TRPM3: variants seen among roughly 807,000 people sequenced by gnomAD.
TRPM3 encodes long transient receptor potential channel 3.
Under a neutral mutation model 181.2 loss-of-function variants are expected in TRPM3, and 77 were observed. The ratio of observed to expected loss-of-function variants is 0.42; its 90% CI spans 0.35 to 0.51. The LOEUF is 0.51. Ranked by LOEUF, TRPM3 falls within the 20% of genes least tolerant of loss-of-function variation. The probability of loss-of-function intolerance (pLI) is 0.01; values close to 1 mark genes in which losing one functional copy is unlikely to be tolerated. For missense variants in TRPM3, 1,759 were observed against 2,196.7 expected, an observed-to-expected ratio of 0.80 and a Z score of 3.98; for synonymous variants, 745 against 796.4, an observed-to-expected ratio of 0.94 and a Z score of 1.09.
At chr9:71,075,613 A>T (rs2063349943) in intron 1 of TRPM3, among the ~76,000 whole-genome samples, 1 of 152,240 alleles carries the variant, frequency 6.6e-6, no homozygotes, top group Admixed American at 6.5e-5. Context: ...GCACATCATA[A>T]GTCAAGCTTT....
intron 1 of TRPM3, among the ~76,000 whole-genome samples, chr9:71,328,225 CT>C (rs1443215057): frequency 3.3e-5 from 5 of 152,076 alleles, no homozygotes; most frequent in African/African-American, 1.2e-4. Flanking sequence ...AGTGCAGTGG[CT>C]GATCTCAGCT....
At chr9:70,810,596 G>T (rs1564401350) in intron 6 of TRPM3, among the ~76,000 whole-genome samples, 1 of 151,950 alleles carries the variant, frequency 6.6e-6, no homozygotes, top group Non-Finnish European at 1.5e-5. Context: ...CCTATATTTG[G>T]CACAGAGTTG....
chr9:71,442,509 T>G (rs2094148791), intron 1 of TRPM3, among the ~76,000 whole-genome samples: 1 of 152,124 alleles, frequency 6.6e-6, no homozygotes, highest in Admixed American at 6.5e-5. Flanking sequence ...ATAAATCCAT[T>G]TATTACCACT....
At chr9:71,427,933 TATAAA>T (rs1482121869) in intron 1 of TRPM3, among the ~76,000 whole-genome samples, 1 of 152,068 alleles carries the variant, frequency 6.6e-6, no homozygotes, top group Non-Finnish European at 1.5e-5. Flanking sequence ...AAAAATAAAA[TATAAA>T]ATAAAATAAA....
At chr9:71,047,950 TCTGACGTATTA>T (rs1165662718) in intron 1 of TRPM3, among the ~76,000 whole-genome samples, 4 of 152,144 alleles carry the variant, frequency 2.6e-5, no homozygotes, top group Non-Finnish European at 2.9e-5. Context: ...TTGTAGAGTG[TCTGACGTATTA>T]GGTACTTCAT....
Position 71,412,708 on chromosome 9 carries a change from G to C in TRPM3, c.183+33945C>G, listed in dbSNP as rs2093575197. Among the ~76,000 whole-genome samples the C allele has an allele frequency of 1.3e-5, 2 of 152,154 alleles. 1 individual carries two copies. Among genetic ancestry groups the C allele is most frequent in the South Asian group, 4.1e-4 (2 of 4,832 alleles). On this transcript the variant is annotated intron_variant, in intron 1 of 24. Coordinates refer to the TRPM3 transcript ENST00000357533. ...AGTGTGGTGATTCCTCAAGGATCTAGAACTAGAAATACCATTTGACCCAGC... is the reference window on the plus strand; with the variant it reads ...AGTGTGGTGATTCCTCAAGGATCTACAACTAGAAATACCATTTGACCCAGC...
At chr9:70,949,120 A>G (rs997528156) in intron 1 of TRPM3, among the ~76,000 whole-genome samples, 9 of 152,180 alleles carry the variant, frequency 5.9e-5, no homozygotes, top group Admixed American at 6.5e-5. Context: ...GACCAAATTC[A>G]TAGAGCTCAC....
At chr9:70,895,616 T>C (rs1382838111) in intron 1 of TRPM3, among the ~76,000 whole-genome samples, 2 of 152,198 alleles carry the variant, frequency 1.3e-5, no homozygotes, top group African/African-American at 4.8e-5. Context: ...AGAATTCTTT[T>C]ATACAATTAC....
intron 1 of TRPM3, among the ~76,000 whole-genome samples, chr9:71,186,960 T>C (rs2077717475): frequency 6.6e-6 from 1 of 152,058 alleles, no homozygotes; most frequent in South Asian, 2.1e-4. Context: ...TTAAAAATAA[T>C]ACGTGATAGT....
intron 22 of TRPM3, among the ~76,000 whole-genome samples, chr9:70,560,153 A>T (rs1446632187): frequency 1.3e-5 from 2 of 152,160 alleles, no homozygotes; most frequent in African/African-American, 2.4e-5. Context: ...TAAGAAACGC[A>T]TTGTCCTTGT....
At chr9:71,424,754 A>G (rs2093833974) in intron 1 of TRPM3, among the ~76,000 whole-genome samples, 1 of 152,018 alleles carries the variant, frequency 6.6e-6, no homozygotes, top group Non-Finnish European at 1.5e-5. Context: ...GGTATTTTTC[A>G]TATTAATAGG....
chr9:70,859,446 A>G (rs2095470684), intron 3 of TRPM3, among the ~76,000 whole-genome samples: 1 of 152,226 alleles, frequency 6.6e-6, no homozygotes, highest in Non-Finnish European at 1.5e-5. Context: ...TAAGGGCTGC[A>G]GTAGGTTACT....
At chr9:71,354,410 A>G (rs753920630) in intron 1 of TRPM3, among the ~76,000 whole-genome samples, 6 of 152,210 alleles carry the variant, frequency 3.9e-5, no homozygotes, top group Non-Finnish European at 7.3e-5. Flanking sequence ...CTCAAACCTC[A>G]CTGTGGAGAC....
chr9:70,764,323 C>T (rs1292888260), intron 7 of TRPM3, among the ~76,000 whole-genome samples: 1 of 152,172 alleles, frequency 6.6e-6, no homozygotes, highest in Non-Finnish European at 1.5e-5. Flanking sequence ...ACATGATTAA[C>T]AACAGAAAGG....
At chr9:70,548,657 A>G (rs948429941) in intron 25 of TRPM3, among the ~76,000 whole-genome samples, 1 of 152,122 alleles carries the variant, frequency 6.6e-6, no homozygotes, top group Non-Finnish European at 1.5e-5. Context: ...TTAAAGTTAC[A>G]CCTATGTTTC....
Position 70,827,892 on chromosome 9 carries a change from G to T in TRPM3, c.928C>A (p.Arg310=), listed in dbSNP as rs772822897. ...TGKYGAEVKL[R]RQLEKHISLQ... ...GAAATATGCTTTTCCAGTTGTCTTCGAAGTTTCACCTCTGCTCCATATTTT... is the reference window on the plus strand; with the variant it reads ...GAAATATGCTTTTCCAGTTGTCTTCTAAGTTTCACCTCTGCTCCATATTTT... Residue 310 remains arginine (R), a synonymous_variant, in exon 6 of 26, where the codon CGA becomes AGA. Transcript: ENST00000677713. The T allele has an allele frequency of 1.2e-6, 2 of 1,614,062 alleles. No individual in the cohort carries two copies. Among genetic ancestry groups the T allele is most frequent in the Non-Finnish European group, 1.7e-6 (2 of 1,179,946 alleles).
chr9:70,893,127 T>C (rs981425589), intron 1 of TRPM3, among the ~76,000 whole-genome samples: 3 of 152,220 alleles, frequency 2.0e-5, no homozygotes, highest in Non-Finnish European at 4.4e-5. Context: ...ATTAATATTA[T>C]ATGTAGGGGA....
In TRPM3 at chr9:70,537,295, C is replaced by A; in HGVS notation, c.3818G>T (p.Gly1273Val). ...IRLAQLEDLI[G>V]RMATALERLT... ...GCGCTCCAGGGCCGTGGCCATGCGC[C>A]CGATAAGGTCTTCCAGCTGCGCCAG... The change falls in exon 26 of 26, where the codon GGG (glycine) becomes GTG (valine). Residue 1273 changes from glycine to valine, a missense_variant. Physicochemically the swap from Gly to Val is moderately radical, Grantham distance 109. Transcript: ENST00000677713. 6.5e-7 allele frequency: 1 copy of A among 1,548,324 alleles called. No individual in the cohort carries two copies. Among genetic ancestry groups the A allele is most frequent in the Non-Finnish European group, 8.7e-7 (1 of 1,144,644 alleles).
At chr9:71,045,163 C>T (rs1399649764) in intron 1 of TRPM3, among the ~76,000 whole-genome samples, 1 of 151,922 alleles carries the variant, frequency 6.6e-6, no homozygotes, top group Non-Finnish European at 1.5e-5. Context: ...GTGGTGCGAT[C>T]TCAGCTTACT....
Sources: gnomAD v4.1 joint callset for allele counts (sites outside exome capture counted in the v4.1 genomes callset) on GRCh38, gnomAD v4.1.1 for gene constraint, MANE v1.5 for transcripts, NCBI Gene and HGNC (gene_info 2026-07-23, HGNC 2026-07-21) for gene names.